The following TENM3 variants were observed in gnomAD, a reference collection of about 807,000 sequenced individuals.
TENM3 encodes the protein teneurin transmembrane protein 3.
A neutral mutation model predicts 255.1 loss-of-function variants in TENM3; 63 were observed. That is an observed-to-expected ratio of 0.25 (90% CI 0.20 to 0.30). The LOEUF (loss-of-function observed/expected upper bound fraction) is 0.30, where lower values mean the gene tolerates loss of function less well. Among genes scored for constraint, TENM3 ranks in the 10% least tolerant of loss-of-function variants. The probability of loss-of-function intolerance (pLI) is 1.00; values close to 1 mark genes in which losing one functional copy is unlikely to be tolerated. For missense variants in TENM3, 2,929 were observed against 3,461.1 expected (o/e 0.85, Z 3.86); for synonymous variants, 1,306 against 1,322.3 (o/e 0.99, Z 0.27).
intron 4 of TENM3, among the ~76,000 whole-genome samples, chr4:182,603,816 T>C (rs1748147911): frequency 7.3e-6 from 1 of 137,488 alleles, no homozygotes; most frequent in South Asian, 2.6e-4. Context: ...TAATTCTCAC[T>C]TTTTCTGAAA....
intron 4 of TENM3, among the ~76,000 whole-genome samples, chr4:182,614,093 G>A (rs1255676027): frequency 6.6e-6 from 1 of 151,988 alleles, no homozygotes; most frequent in Non-Finnish European, 1.5e-5. Flanking sequence ...TTGTTCTTTT[G>A]TTTTCCCATC....
At chr4:182,227,527 A>G (rs1475215230) in intron 1 of TENM3, among the ~76,000 whole-genome samples, 4 of 152,096 alleles carry the variant, frequency 2.6e-5, no homozygotes, top group South Asian at 4.1e-4. Flanking sequence ...TGGTCTCTCC[A>G]GTTTTTACTC....
At chr4:181,507,181 T>G in the TENM3 span, among the ~76,000 whole-genome samples, 105 of 152,324 alleles carry the variant, frequency 6.9e-4, no homozygotes, top group African/African-American at 2.4e-3. Flanking sequence ...TCAAGTTGAT[T>G]TCACAACTGA....
the TENM3 span, among the ~76,000 whole-genome samples, chr4:182,067,909 A>G: frequency 6.6e-6 from 1 of 152,084 alleles, no homozygotes; most frequent in Middle Eastern, 3.4e-3. Context: ...GTGCAGTCAC[A>G]TTATCGTGAT....
chr4:181,514,283 TA>T, the TENM3 span, among the ~76,000 whole-genome samples: 4 of 152,068 alleles, frequency 2.6e-5, no homozygotes, highest in Non-Finnish European at 5.9e-5. Context: ...AAAAAGTTTT[TA>T]AAAAAAATTT....
intron 22 of TENM3, among the ~76,000 whole-genome samples, chr4:182,772,903 C>A (rs983337880): frequency 6.6e-6 from 1 of 152,176 alleles, no homozygotes; most frequent in African/African-American, 2.4e-5. Flanking sequence ...TGCCAGCATT[C>A]AAGCTCTAAT....
At chr4:182,280,768 G>T (rs375561715) in intron 1 of TENM3, among the ~76,000 whole-genome samples, 1 of 152,146 alleles carries the variant, frequency 6.6e-6, no homozygotes. Flanking sequence ...TACAAAAAGG[G>T]ATCTCTTCAA....
the TENM3 span, among the ~76,000 whole-genome samples, chr4:182,037,978 C>T: frequency 6.6e-6 from 1 of 152,146 alleles, no homozygotes; most frequent in Non-Finnish European, 1.5e-5. Context: ...ATTACAGGTG[C>T]ATGCCACTGT....
At chr4:182,309,054 T>C (rs192080499) in intron 1 of TENM3, among the ~76,000 whole-genome samples, 13 of 152,296 alleles carry the variant, frequency 8.5e-5, no homozygotes, top group African/African-American at 3.1e-4. Context: ...GCTCAGAGAC[T>C]TTCCTCAGTT....
intron 3 of TENM3, among the ~76,000 whole-genome samples, chr4:182,509,019 C>T (rs996643186): frequency 6.6e-6 from 1 of 152,140 alleles, no homozygotes; most frequent in African/African-American, 2.4e-5. Flanking sequence ...TTCTGATGCA[C>T]ATGTAAATTG....
the TENM3 span, among the ~76,000 whole-genome samples, chr4:181,574,719 T>C: frequency 1.4e-4 from 21 of 152,194 alleles, no homozygotes; most frequent in Admixed American, 1.4e-3. Flanking sequence ...TATATGTTTT[T>C]AAATATAGAT....
chr4:181,451,624 C>G, the TENM3 span, among the ~76,000 whole-genome samples: 2 of 151,990 alleles, frequency 1.3e-5, no homozygotes. Context: ...TGAGTTCCAG[C>G]TGGATCAGAA....
the TENM3 span, among the ~76,000 whole-genome samples, chr4:181,684,914 C>G: frequency 7.7e-6 from 1 of 129,664 alleles, no homozygotes; most frequent in Admixed American, 9.3e-5. Context: ...ACCACCGTGC[C>G]TGGCTTTTTT....
intron 1 of TENM3, among the ~76,000 whole-genome samples, chr4:182,300,489 C>G (rs377719281): frequency 6.6e-6 from 1 of 152,130 alleles, no homozygotes; most frequent in East Asian, 1.9e-4. Flanking sequence ...GTCTGACAGT[C>G]GAGTTAAACA....
the TENM3 span, among the ~76,000 whole-genome samples, chr4:181,478,726 A>G: frequency 1.3e-5 from 2 of 152,212 alleles, no homozygotes; most frequent in Non-Finnish European, 2.9e-5. Flanking sequence ...CCGCTAGATG[A>G]CACATTATTA....
chr4:182,364,261 A>T (rs1243298654), intron 3 of TENM3, among the ~76,000 whole-genome samples: 1 of 152,058 alleles, frequency 6.6e-6, no homozygotes, highest in Non-Finnish European at 1.5e-5. Context: ...CTATGATGTG[A>T]TTTAGGATTT....
At chr4:182,644,724 A>T (rs1482415014) in intron 5 of TENM3, among the ~76,000 whole-genome samples, 2 of 152,218 alleles carry the variant, frequency 1.3e-5, no homozygotes, top group Admixed American at 6.5e-5. Flanking sequence ...CTACAGAAAC[A>T]TACTAAGAGT....
the TENM3 span, among the ~76,000 whole-genome samples, chr4:181,697,280 C>G: frequency 2.5e-4 from 38 of 152,166 alleles, no homozygotes; most frequent in African/African-American, 8.9e-4. Context: ...CTTCCTGCAA[C>G]ATATGACCGA....
At chr4:182,176,023 G>A (rs28448872) in intron 1 of TENM3, among the ~76,000 whole-genome samples, 1,955 of 152,086 alleles carry the variant, frequency 0.013, 37 homozygotes, top group African/African-American at 0.045. Context: ...CAATATTTTC[G>A]TTAGTAATGT....
Sources: gnomAD v4.1 joint callset for allele counts (sites outside exome capture counted in the v4.1 genomes callset) on GRCh38, gnomAD v4.1.1 for gene constraint, MANE v1.5 for transcripts, NCBI Gene and HGNC (gene_info 2026-07-23, HGNC 2026-07-21) for gene names.